The following SMYD3 variants were observed in gnomAD, a reference collection of about 807,000 sequenced individuals.
SMYD3 encodes the protein histone-lysine N-methyltransferase SMYD3.
In SMYD3, 36 loss-of-function variants were observed where a neutral mutation model predicts 57.7. The ratio of observed to expected loss-of-function variants is 0.62; its 90% CI spans 0.48 to 0.82. The LOEUF (loss-of-function observed/expected upper bound fraction) is 0.82, where lower values mean the gene tolerates loss of function less well. Ranked by LOEUF, SMYD3 falls within the 40% of genes least tolerant of loss-of-function variation. The pLI is 0.00. For synonymous variants in SMYD3, 211 were observed against 195.0 expected, an observed-to-expected ratio of 1.08 and a Z score of -0.68; for missense variants, 515 against 538.8, an observed-to-expected ratio of 0.96 and a Z score of 0.44.
intron 10 of SMYD3, among the ~76,000 whole-genome samples, chr1:245,804,057 C>T (rs887849544): frequency 3.3e-5 from 5 of 151,776 alleles, no homozygotes; most frequent in Admixed American, 6.6e-5. Context: ...GGACCACAGG[C>T]GCCCACCACC....
intron 5 of SMYD3, among the ~76,000 whole-genome samples, chr1:246,170,156 C>T (rs1466162997): frequency 6.6e-6 from 1 of 151,942 alleles, no homozygotes; most frequent in Admixed American, 6.6e-5. Flanking sequence ...TATTTCCTCA[C>T]TATCAAAAAC....
chr1:246,175,812 G>C (rs974246580), intron 5 of SMYD3, among the ~76,000 whole-genome samples: 1 of 152,126 alleles, frequency 6.6e-6, no homozygotes, highest in Non-Finnish European at 1.5e-5. Flanking sequence ...TCATTAAGGA[G>C]GGCTTTCAAA....
At chr1:246,071,423 T>G in intron 5 of SMYD3, among the ~76,000 whole-genome samples, 1 of 152,344 alleles carries the variant, frequency 6.6e-6, no homozygotes, top group South Asian at 2.1e-4. Flanking sequence ...ATAAAGTTAT[T>G]GCATTTATAC....
intron 5 of SMYD3, among the ~76,000 whole-genome samples, chr1:246,100,564 T>C (rs114475343): frequency 0.013 from 1,983 of 152,308 alleles, 44 homozygotes; most frequent in African/African-American, 0.045. Flanking sequence ...TGGACAAACA[T>C]GGCTCAAGAG....
intron 5 of SMYD3, among the ~76,000 whole-genome samples, chr1:246,155,343 C>T (rs1172130684): frequency 1.3e-5 from 2 of 152,296 alleles, no homozygotes; most frequent in Middle Eastern, 3.4e-3. Context: ...CAAGAGAAAG[C>T]AGATAATGTT....
intron 5 of SMYD3, among the ~76,000 whole-genome samples, chr1:246,071,632 T>TA (rs1319519192): frequency 3.3e-5 from 5 of 151,986 alleles, no homozygotes; most frequent in African/African-American, 1.2e-4. Context: ...GGCCTGAGAG[T>TA]AAAAATTAGC....
At chr1:245,838,658 G>C (rs2050226041) in intron 10 of SMYD3, among the ~76,000 whole-genome samples, 1 of 152,198 alleles carries the variant, frequency 6.6e-6, no homozygotes, top group Non-Finnish European at 1.5e-5. Context: ...AGGGGCTCCT[G>C]CAAGTGGAAG....
intron 10 of SMYD3, among the ~76,000 whole-genome samples, chr1:245,785,443 C>G (rs868637927): frequency 9.2e-5 from 14 of 152,248 alleles, no homozygotes; most frequent in Middle Eastern, 3.4e-3. Context: ...ATTATACTTG[C>G]AGATGCAATA....
intron 5 of SMYD3, among the ~76,000 whole-genome samples, chr1:246,227,269 C>T (rs1233511565): frequency 2.0e-5 from 3 of 152,136 alleles, no homozygotes; most frequent in East Asian, 1.9e-4. Context: ...GTGTTCTGCC[C>T]GTTTATGCTT....
At chr1:246,075,865 T>C (rs968414551) in intron 5 of SMYD3, among the ~76,000 whole-genome samples, 1 of 145,216 alleles carries the variant, frequency 6.9e-6, no homozygotes, top group Non-Finnish European at 1.5e-5. Flanking sequence ...ATGTTAACTT[T>C]AGACTGTGAA....
chr1:245,929,919 T>C lies in SMYD3; in HGVS notation c.550A>G (p.Thr184Ala), dbSNP rs1326248982. The part of the protein sequence containing the change: ...AFAKVICNSF[T>A]ICNAEMQEVG... ...TCCTGCATCTCCGCATTACAGATGG[T>C]GAAAGAGTTGCAGATCACCTGTAAA... Residue 184 changes from threonine to alanine, a missense_variant, in exon 6 of 12, where the codon ACC becomes GCC. Thr to Ala is a moderately conservative substitution (Grantham distance 58). Coordinates refer to ENST00000490107, the MANE Select transcript of SMYD3 (RefSeq NM_001167740.2). 1.2e-6 allele frequency: 2 copies of C among 1,613,460 alleles called. No homozygotes were observed. Among genetic ancestry groups the C allele is most frequent in the Admixed American group, 3.3e-5 (2 of 59,968 alleles).
At chr1:245,810,476 G>A (rs1189779202) in intron 10 of SMYD3, among the ~76,000 whole-genome samples, 2 of 152,142 alleles carry the variant, frequency 1.3e-5, no homozygotes, top group African/African-American at 4.8e-5. Flanking sequence ...CAAGACTGTG[G>A]TCTGTGAGTA....
intron 5 of SMYD3, among the ~76,000 whole-genome samples, chr1:245,990,314 C>G (rs949579243): frequency 2.0e-5 from 3 of 152,166 alleles, no homozygotes; most frequent in Non-Finnish European, 4.4e-5. Context: ...GTCTCAAACT[C>G]CTGGGCTCAA....
chr1:245,772,136 A>G (rs2046363113), intron 10 of SMYD3, among the ~76,000 whole-genome samples: 1 of 152,126 alleles, frequency 6.6e-6, no homozygotes, highest in South Asian at 2.1e-4. Context: ...TTGGTTTCTG[A>G]TATGTACTAT....
intron 5 of SMYD3, among the ~76,000 whole-genome samples, chr1:245,987,170 G>A (rs77804825): frequency 0.12 from 18,666 of 152,142 alleles, 1,545 homozygotes; most frequent in East Asian, 0.44. Flanking sequence ...GTTGCAGAAC[G>A]TCCAAAAATT....
intron 5 of SMYD3, among the ~76,000 whole-genome samples, chr1:246,190,485 T>C (rs1485730734): frequency 6.8e-6 from 1 of 147,016 alleles, no homozygotes; most frequent in Non-Finnish European, 1.5e-5. Flanking sequence ...CTCGGGAGGC[T>C]GAGGCAGGAG....
At chr1:246,061,721 T>C (rs2060255703) in intron 5 of SMYD3, among the ~76,000 whole-genome samples, 1 of 152,162 alleles carries the variant, frequency 6.6e-6, no homozygotes, top group Non-Finnish European at 1.5e-5. Flanking sequence ...TGAGACCCTG[T>C]CTCAAAAATA....
chr1:245,837,620 A>C (rs757597698), intron 10 of SMYD3, among the ~76,000 whole-genome samples: 30 of 152,162 alleles, frequency 2.0e-4, no homozygotes, highest in Non-Finnish European at 3.2e-4. Flanking sequence ...AGCCTTCCCA[A>C]ATCTCACTGG....
intron 8 of SMYD3, among the ~76,000 whole-genome samples, chr1:245,908,276 A>G (rs2054721900): frequency 2.0e-5 from 3 of 152,158 alleles, no homozygotes; most frequent in Admixed American, 6.5e-5. Context: ...TAAAAATGAT[A>G]AAAACATCAA....
Sources: allele counts gnomAD v4.1 joint callset (sites outside exome capture counted in the v4.1 genomes callset), GRCh38; gene constraint gnomAD v4.1.1; transcripts MANE v1.5; gene names NCBI Gene and HGNC (gene_info 2026-07-23, HGNC 2026-07-21).